The following SLC2A9 variants were observed in gnomAD, a reference collection of about 807,000 sequenced individuals.
SLC2A9 encodes the protein solute carrier family 2, facilitated glucose transporter member 9.
Under a neutral mutation model 50.6 loss-of-function variants are expected in SLC2A9, and 39 were observed. That is an observed-to-expected ratio of 0.77 (90% CI 0.60 to 1.01). The LOEUF (loss-of-function observed/expected upper bound fraction) is 1.01, where lower values mean the gene tolerates loss of function less well. Among genes scored for constraint, SLC2A9 ranks in the 50% least tolerant of loss-of-function variants. The probability of loss-of-function intolerance (pLI) is 0.00; values close to 1 mark genes in which losing one functional copy is unlikely to be tolerated. For missense variants in SLC2A9, 686 were observed against 677.6 expected (o/e 1.01, Z -0.14); for synonymous variants, 324 against 276.9 (o/e 1.17, Z -1.69).
intron 3 of SLC2A9, among the ~76,000 whole-genome samples, chr4:9,812,288 C>A (rs552437068): frequency 6.6e-6 from 1 of 152,134 alleles, no homozygotes. Context: ...GTAGAAACTG[C>A]GGCAACTCCT....
intron 3 of SLC2A9, among the ~76,000 whole-genome samples, chr4:9,988,871 G>A (rs1265365262): frequency 3.3e-5 from 5 of 152,378 alleles, no homozygotes; most frequent in East Asian, 3.9e-4. Flanking sequence ...GAGAAAGCAG[G>A]AGAGCCACCT....
intron 6 of SLC2A9, among the ~76,000 whole-genome samples, chr4:9,933,208 G>A (rs1438346945): frequency 6.6e-6 from 1 of 152,256 alleles, no homozygotes; most frequent in Admixed American, 6.5e-5. Context: ...GACTGGAGGA[G>A]AGTAGCTGAA....
intron 8 of SLC2A9, among the ~76,000 whole-genome samples, chr4:9,892,443 C>T (rs1203323553): frequency 6.6e-6 from 1 of 152,186 alleles, no homozygotes. Context: ...TTAAACTTGG[C>T]CTCCTAGAAA....
intron 5 of SLC2A9, among the ~76,000 whole-genome samples, chr4:9,953,783 C>T (rs1386601543): frequency 7.2e-6 from 1 of 138,456 alleles, no homozygotes; most frequent in Admixed American, 7.4e-5. Context: ...CTACCGTGCC[C>T]AGCTAAATTT....
intron 8 of SLC2A9, among the ~76,000 whole-genome samples, chr4:9,899,914 C>T (rs1219582283): frequency 6.6e-6 from 1 of 152,226 alleles, no homozygotes; most frequent in South Asian, 2.1e-4. Flanking sequence ...GGTCACTTTA[C>T]AAGCTTGGCT....
At chr4:9,846,088 G>A (rs1728946015) in intron 10 of SLC2A9, among the ~76,000 whole-genome samples, 1 of 152,216 alleles carries the variant, frequency 6.6e-6, no homozygotes, top group African/African-American at 2.4e-5. Context: ...ACCCAGAGTA[G>A]AGAGTGACTT....
At chr4:9,880,320 AG>A (rs1734991032) in intron 10 of SLC2A9, 1 of 985,426 alleles carries the variant, frequency 1.0e-6, no homozygotes, top group Non-Finnish European at 1.2e-6. Context: ...GGGTCAACAC[AG>A]GGGGTTGAAG....
chr4:9,937,886 C>T (rs899706347), intron 6 of SLC2A9, among the ~76,000 whole-genome samples: 3 of 152,174 alleles, frequency 2.0e-5, no homozygotes, highest in Non-Finnish European at 4.4e-5. Context: ...CAGCAAGAGC[C>T]TACAAAGCAC....
chr4:9,968,867 G>A (rs2108992123), intron 5 of SLC2A9, among the ~76,000 whole-genome samples: 1 of 152,168 alleles, frequency 6.6e-6, no homozygotes, highest in East Asian at 1.9e-4. Context: ...AAAAAATGGA[G>A]ACTTTAAGGG....
chr4:9,864,522 T>C (rs960473201), intron 10 of SLC2A9, among the ~76,000 whole-genome samples: 1 of 152,224 alleles, frequency 6.6e-6, no homozygotes, highest in Non-Finnish European at 1.5e-5. Context: ...GGAACTTTAT[T>C]GTCCACCTTT....
At chr4:9,917,148 G>T (rs777006350) in intron 7 of SLC2A9, among the ~76,000 whole-genome samples, 3 of 152,024 alleles carry the variant, frequency 2.0e-5, no homozygotes. Flanking sequence ...CAAACTGCTC[G>T]AAAGGAAGGC....
intron 1 of SLC2A9, among the ~76,000 whole-genome samples, chr4:10,037,648 C>A (rs1764149289): frequency 6.6e-6 from 1 of 152,108 alleles, no homozygotes; most frequent in South Asian, 2.1e-4. Context: ...AAAATGTCAA[C>A]ATTTTAAATA....
rs189516145 is a variant in SLC2A9 at position 9,846,921 on chromosome 4, C to T, written c.1292-11913G>A. 5.0e-3 allele frequency among the ~76,000 whole-genome samples: 768 copies of T among 152,260 alleles called. 20 individuals carry two copies. The highest frequency in any genetic ancestry group is 1.7e-3 in the East Asian group (9 of 5,186). On this transcript the variant is annotated intron_variant, in intron 10 of 11. Transcript: ENST00000264784. ...CAAGTGTGTCCATATGTCACTTAAT[C>T]CTTTAGATATATTTTCTCTTAGTCA...
intron 1 of SLC2A9, among the ~76,000 whole-genome samples, chr4:10,027,051 C>CAA (rs111732147): frequency 6.9e-6 from 1 of 145,446 alleles, no homozygotes; most frequent in Non-Finnish European, 1.5e-5. Context: ...CTCAAAAAAA[C>CAA]AAAAAAAAAA....
intron 3 of SLC2A9, among the ~76,000 whole-genome samples, chr4:9,812,325 C>A (rs930727499): frequency 2.6e-5 from 4 of 152,110 alleles, no homozygotes; most frequent in Non-Finnish European, 4.4e-5. Flanking sequence ...ATGACATATC[C>A]AGTGTTCCCA....
chr4:9,806,181 C>G lies in SLC2A9; in HGVS notation n.421-6940G>C, dbSNP rs1226643271. 3.3e-5 allele frequency among the ~76,000 whole-genome samples: 5 copies of G among 152,366 alleles called. No individual in the cohort carries two copies. The South Asian group carries it at 1.0e-3, about 32-fold the overall frequency. ...AACTGGCCCCAAAACTGGCCATAAA[C>G]AAAATCTCTGCAGCACTGTGACATG... is the stretch of plus-strand genomic sequence containing the variant. On this transcript the variant is annotated intron_variant and non_coding_transcript_variant, in intron 3 of 3. Coordinates refer to the SLC2A9 transcript ENST00000503280.
At chr4:9,851,126 C>T (rs6831580) in intron 10 of SLC2A9, among the ~76,000 whole-genome samples, 70,460 of 152,166 alleles carry the variant, frequency 0.46, 19,331 homozygotes, top group Non-Finnish European at 0.63. Flanking sequence ...CACACTTGAG[C>T]GAGCATGGAT....
At chr4:9,999,477 T>C (rs1759379362) in intron 2 of SLC2A9, among the ~76,000 whole-genome samples, 2 of 152,108 alleles carry the variant, frequency 1.3e-5, no homozygotes, top group East Asian at 1.9e-4. Context: ...CCATTTAACA[T>C]GGAAAAGAAA....
intron 8 of SLC2A9, among the ~76,000 whole-genome samples, chr4:9,892,588 C>T (rs1296362821): frequency 1.3e-5 from 2 of 152,200 alleles, no homozygotes; most frequent in Admixed American, 1.3e-4. Flanking sequence ...TTTTCCAAGT[C>T]TCAGTTTCCC....
Sources: allele counts gnomAD v4.1 joint callset (sites outside exome capture counted in the v4.1 genomes callset), GRCh38; gene constraint gnomAD v4.1.1; transcripts MANE v1.5; gene names NCBI Gene and HGNC (gene_info 2026-07-23, HGNC 2026-07-21).